RIMBP2: variants seen among roughly 807,000 people sequenced by gnomAD.
RIMBP2 encodes RIMS binding protein 2.
Under a neutral mutation model 118.6 loss-of-function variants are expected in RIMBP2, and 48 were observed. That is an observed-to-expected ratio of 0.40 (90% CI 0.32 to 0.51). The LOEUF (loss-of-function observed/expected upper bound fraction) is 0.51. Ranked by LOEUF, RIMBP2 falls within the 20% of genes least tolerant of loss-of-function variation. The probability of loss-of-function intolerance (pLI) is 0.41; values close to 1 mark genes in which losing one functional copy is unlikely to be tolerated. For synonymous variants in RIMBP2, 762 were observed against 742.9 expected (o/e 1.03, Z -0.42); for missense variants, 1,551 against 1,768.3 (o/e 0.88, Z 2.20).
chr12:130,679,700 A>G (rs2064680328), intron 1 of RIMBP2, among the ~76,000 whole-genome samples: 1 of 151,894 alleles, frequency 6.6e-6, no homozygotes, highest in Non-Finnish European at 1.5e-5. Flanking sequence ...AAAATACTTC[A>G]CCCTCCCCTC....
intron 1 of RIMBP2, among the ~76,000 whole-genome samples, chr12:130,700,389 C>CA (rs1339656951): frequency 7.9e-5 from 12 of 152,162 alleles, no homozygotes; most frequent in Admixed American, 7.9e-4. Context: ...CCCCGAGAAT[C>CA]ACGTTCACTC....
rs377685366 is a variant in RIMBP2, at chr12:130,692,249, G to A, written c.-352+23973C>T. ...CCTGAGATGGCACCTTCACCTGCACGTGGGGGGCCCCCCAGGGCCTTGTGG... is the reference window on the plus strand; with the variant it reads ...CCTGAGATGGCACCTTCACCTGCACATGGGGGGCCCCCCAGGGCCTTGTGG... On this transcript the variant is annotated intron_variant, in intron 1 of 22. Transcript: ENST00000690449. Among the ~76,000 whole-genome samples the A allele has an allele frequency of 5.9e-5, 9 of 152,272 alleles. No individual in the cohort carries two copies. The East Asian group carries it at 1.2e-3, about 20-fold the overall frequency.
intron 11 of RIMBP2, among the ~76,000 whole-genome samples, chr12:130,439,306 T>C (rs1203824686): frequency 6.6e-6 from 1 of 151,058 alleles, no homozygotes; most frequent in African/African-American, 2.4e-5. Context: ...GGTGTGTGTG[T>C]GGGTGTGTAT....
intron 1 of RIMBP2, among the ~76,000 whole-genome samples, chr12:130,711,100 G>A (rs80088583): frequency 0.019 from 2,872 of 152,254 alleles, 99 homozygotes; most frequent in African/African-American, 0.065. Flanking sequence ...AAACTTAGCC[G>A]GGCGTGGTAG....
At chr12:130,460,346 T>C (rs2079867935) in intron 6 of RIMBP2, among the ~76,000 whole-genome samples, 1 of 152,130 alleles carries the variant, frequency 6.6e-6, no homozygotes, top group African/African-American at 2.4e-5. Context: ...GCCGTAATCA[T>C]GGTGGCAGTA....
intron 1 of RIMBP2, among the ~76,000 whole-genome samples, chr12:130,643,540 T>C (rs1208999318): frequency 1.3e-5 from 2 of 149,032 alleles, no homozygotes; most frequent in South Asian, 2.1e-4. Flanking sequence ...AGGTGCCCCA[T>C]GGAACTGGGG....
chr12:130,398,719 G>C (rs2074253057), intron 22 of RIMBP2: 1 of 152,496 alleles, frequency 6.6e-6, no homozygotes, highest in Non-Finnish European at 1.5e-5. Flanking sequence ...GCTTGACCTT[G>C]GGTTAAGTTT....
intron 10 of RIMBP2, among the ~76,000 whole-genome samples, chr12:130,444,093 C>T (rs1457177815): frequency 6.6e-6 from 1 of 152,162 alleles, no homozygotes; most frequent in Admixed American, 6.5e-5. Flanking sequence ...TGAGAAAGTT[C>T]CAGAGATTTC....
chr12:130,574,730 C>G (rs942927804), intron 2 of RIMBP2, among the ~76,000 whole-genome samples: 7 of 152,032 alleles, frequency 4.6e-5, no homozygotes, highest in Admixed American at 3.9e-4. Context: ...CCCTGAGCAG[C>G]CCCACCGCCC....
intron 5 of RIMBP2, 44 bp from the exon 6 acceptor site, chr12:130,470,787 G>T: frequency 8.7e-7 from 1 of 1,147,114 alleles, no homozygotes; most frequent in Non-Finnish European, 1.1e-6. Flanking sequence ...TGTCCAAAGG[G>T]GAAAGAAGAC....
At chr12:130,668,715 G>A (rs962667309) in intron 1 of RIMBP2, among the ~76,000 whole-genome samples, 3 of 152,242 alleles carry the variant, frequency 2.0e-5, no homozygotes, top group Non-Finnish European at 2.9e-5. Context: ...CAGCTGCATG[G>A]CCGGCTCTCC....
At chr12:130,457,339 G>A (rs1350086053) in intron 6 of RIMBP2, among the ~76,000 whole-genome samples, 1 of 152,202 alleles carries the variant, frequency 6.6e-6, no homozygotes, top group Non-Finnish European at 1.5e-5. Context: ...CCCTGGGGAA[G>A]GCAAGCGTCT....
At chr12:130,456,768 T>G in intron 6 of RIMBP2, 68 bp from the exon 7 acceptor site, 1 of 1,227,984 alleles carries the variant, frequency 8.1e-7, no homozygotes. Context: ...GTGCGCCTGT[T>G]CACATGTGTT....
intron 4 of RIMBP2, among the ~76,000 whole-genome samples, chr12:130,499,887 G>T (rs376192989): frequency 1.6e-4 from 25 of 152,308 alleles, no homozygotes; most frequent in African/African-American, 5.3e-4. Context: ...ATGCAAAGTG[G>T]TTGCTCAATA....
chr12:130,519,825 C>CT (rs1448782781), intron 2 of RIMBP2, among the ~76,000 whole-genome samples: 1 of 152,200 alleles, frequency 6.6e-6, no homozygotes, highest in Non-Finnish European at 1.5e-5. Flanking sequence ...GACAAGCTGC[C>CT]TGGCCTCTCT....
In RIMBP2 at chr12:130,620,844, T is replaced by C. The variant is rs4759736; in HGVS notation, c.-217+7478A>G. ...GGCTGGGCCTCCAACATTCTTTTTG[T>C]AGGGAACACCCCTCACCCTGTAACA... On this transcript the variant is annotated intron_variant, in intron 2 of 22. Coordinates refer to ENST00000690449, the MANE Select transcript of RIMBP2 (RefSeq NM_001393629.1). The surrounding 1 kb of genome is among the most constrained non-coding windows in gnomAD (Gnocchi z 5.3). Among the ~76,000 whole-genome samples the C allele has an allele frequency of 0.97, 148,407 of 152,268 alleles. 72,440 individuals carry two copies. Among genetic ancestry groups the C allele is most frequent in the East Asian group, 1 (5,162 of 5,162 alleles).
At chr12:130,448,881 C>T (rs1167548687) in intron 9 of RIMBP2, among the ~76,000 whole-genome samples, 1 of 152,248 alleles carries the variant, frequency 6.6e-6, no homozygotes, top group Non-Finnish European at 1.5e-5. Flanking sequence ...TACCAACGAG[C>T]GGAATGTGAT....
intron 7 of RIMBP2, among the ~76,000 whole-genome samples, chr12:130,455,807 T>C (rs1266558737): frequency 1.3e-5 from 2 of 152,132 alleles, no homozygotes; most frequent in Non-Finnish European, 2.9e-5. Flanking sequence ...GACCTGGCCA[T>C]GAAACCTGTC....
Position 130,506,691 on chromosome 12 carries a change from T to A in RIMBP2, c.-47A>T, listed in dbSNP as rs2050391035. On this transcript the variant is annotated 5_prime_UTR_variant, in exon 4 of 23. Transcript: ENST00000690449. ...GTTCTCCAGCTTGGCTTGGAGCTGG[T>A]GTTTCTCCTTCACGGCCAAATCGCG... The A allele has an allele frequency of 1.3e-5, 13 of 985,732 alleles. No homozygotes were observed. The highest frequency in any genetic ancestry group is 1.4e-5 in the Non-Finnish European group (12 of 829,926). The allele number at this position is 985,732 out of a possible 1,614,324, so 61.1% of individuals were successfully genotyped here.
Sources: gnomAD v4.1 joint callset for allele counts (sites outside exome capture counted in the v4.1 genomes callset) on GRCh38, gnomAD v4.1.1 for gene constraint, Gnocchi (gnomAD v3.1) non-coding constraint, MANE v1.5 for transcripts, NCBI Gene and HGNC (gene_info 2026-07-23, HGNC 2026-07-21) for gene names.